Variants in ATP8A2 observed in about 807,000 individuals in gnomAD.
ATP8A2 encodes the protein phospholipid-transporting ATPase IB.
In ATP8A2, 100 loss-of-function variants were observed where a neutral mutation model predicts 165.6. The ratio of observed to expected loss-of-function variants is 0.60; its 90% CI spans 0.51 to 0.71. ATP8A2 has a LOEUF of 0.71. Among genes scored for constraint, ATP8A2 ranks in the 30% least tolerant of loss-of-function variants. ATP8A2 has a pLI of 0.00. For missense variants in ATP8A2, 1,227 were observed against 1,479.5 expected (o/e 0.83, Z 2.80); for synonymous variants, 543 against 548.8 (o/e 0.99, Z 0.15).
intron 1 of ATP8A2, among the ~76,000 whole-genome samples, chr13:25,422,588 A>G (rs1385792725): frequency 6.6e-6 from 1 of 152,238 alleles, no homozygotes. Context: ...GCTTTTAATA[A>G]AACAATGAAC....
intron 4 of ATP8A2, among the ~76,000 whole-genome samples, chr13:25,531,406 A>G (rs1258270753): frequency 1.9e-5 from 1 of 52,316 alleles, no homozygotes; most frequent in East Asian, 2.4e-4. Flanking sequence ...GATTATATAT[A>G]TGATTATATA....
Position 25,444,934 on chromosome 13 carries a change from G to A in ATP8A2, c.77-24043G>A, listed in dbSNP as rs551940331. Among the ~76,000 whole-genome samples the A allele has an allele frequency of 1.4e-4, 21 of 152,208 alleles. No individual in the cohort carries two copies. The East Asian group carries it at 1.7e-3, about 13-fold the overall frequency. On this transcript the variant is annotated intron_variant, in intron 1 of 36. Coordinates refer to ENST00000381655, the MANE Select transcript of ATP8A2 (RefSeq NM_016529.6). The stretch of plus-strand genomic sequence containing the variant: ...ATTATAGGTGTGAGCCACCACACCC[G>A]GCCCCGAGCATCTTTTCATGTGTTT...
intron 35 of ATP8A2, among the ~76,000 whole-genome samples, chr13:25,991,325 C>G (rs892726299): frequency 3.3e-5 from 5 of 152,084 alleles, no homozygotes; most frequent in Admixed American, 6.6e-5. Flanking sequence ...ATAGAAAGCT[C>G]GCATATACCC....
intron 33 of ATP8A2, among the ~76,000 whole-genome samples, chr13:25,911,370 C>G (rs1374288091): frequency 6.6e-6 from 1 of 152,162 alleles, no homozygotes; most frequent in African/African-American, 2.4e-5. Context: ...TGGCACAGGC[C>G]TATCAGAGTA....
chr13:25,734,727 C>T (rs2043729662), intron 25 of ATP8A2, among the ~76,000 whole-genome samples: 1 of 152,132 alleles, frequency 6.6e-6, no homozygotes, highest in African/African-American at 2.4e-5. Context: ...CAACCCCCGG[C>T]CCCCAGATTC....
chr13:26,010,145 G>A lies in ATP8A2; in HGVS notation c.3378-2386G>A, dbSNP rs189901925. Among the ~76,000 whole-genome samples, 318 of 152,338 alleles carry A rather than the reference G, an allele frequency of 2.1e-3. 3 individuals carry two copies. The highest frequency in any genetic ancestry group is 7.3e-3 in the African/African-American group (304 of 41,582). ...CCACTCTAGGCGGCATCTAGGCGGC[G>A]TCTGCCAGCACAGGAGCCCTGCCAG... On this transcript the variant is annotated intron_variant, in intron 35 of 36. Coordinates refer to ENST00000381655, the MANE Select transcript of ATP8A2 (RefSeq NM_016529.6).
At chr13:25,494,116 A>G (rs658503) in intron 2 of ATP8A2, among the ~76,000 whole-genome samples, 148,803 of 152,196 alleles carry the variant, frequency 0.98, 72,763 homozygotes, top group East Asian at 0.99. Context: ...AACAGCCAGG[A>G]TGGTGCATGG....
At chr13:25,648,808 T>C (rs1368675745) in intron 24 of ATP8A2, among the ~76,000 whole-genome samples, 3 of 152,244 alleles carry the variant, frequency 2.0e-5, no homozygotes, top group African/African-American at 7.2e-5. Context: ...TATTGTATTT[T>C]TAAGTTTGTA....
intron 2 of ATP8A2, among the ~76,000 whole-genome samples, chr13:25,475,977 A>G (rs1343234356): frequency 6.6e-6 from 1 of 151,982 alleles, no homozygotes; most frequent in Non-Finnish European, 1.5e-5. Context: ...TTGTCTGTTC[A>G]CTCTGTTTGA....
intron 25 of ATP8A2, among the ~76,000 whole-genome samples, chr13:25,768,087 T>TGGGGGGGGGGGGGGGGGGGGGG (rs1566118778): frequency 3.1e-5 from 1 of 32,426 alleles, no homozygotes. Context: ...GGGGGGGGGG[T>TGGGGGGGGGGGGGGGGGGGGGG]GGTGGGGGGG....
chr13:25,510,316 A>G (rs1331270766), intron 2 of ATP8A2, among the ~76,000 whole-genome samples: 1 of 152,168 alleles, frequency 6.6e-6, no homozygotes, highest in African/African-American at 2.4e-5. Context: ...CCCTTGGGCT[A>G]TTGGCTCAGA....
intron 30 of ATP8A2, among the ~76,000 whole-genome samples, chr13:25,850,421 C>T (rs971851778): frequency 2.7e-5 from 4 of 150,336 alleles, no homozygotes; most frequent in Non-Finnish European, 4.4e-5. Context: ...CCTCCGCGCC[C>T]AATACAGGCT....
At chr13:25,399,793 C>T (rs1042910410) in intron 1 of ATP8A2, among the ~76,000 whole-genome samples, 1 of 151,156 alleles carries the variant, frequency 6.6e-6, no homozygotes, top group African/African-American at 2.4e-5. Context: ...TCCTCCTCTT[C>T]TTCTTTCTTC....
intron 1 of ATP8A2, among the ~76,000 whole-genome samples, chr13:25,385,635 G>A (rs1036922725): frequency 3.3e-5 from 5 of 152,038 alleles, no homozygotes; most frequent in African/African-American, 9.7e-5. Context: ...CATATAATTC[G>A]AATTTCATGT....
chr13:25,623,814 CATAAATGCATAAATTATGCATAGATT>C (rs758555735), intron 24 of ATP8A2, among the ~76,000 whole-genome samples: 78 of 151,754 alleles, frequency 5.1e-4, no homozygotes, highest in Non-Finnish European at 9.6e-4. Flanking sequence ...TCTAGATGAG[CATAAATGCATAAATTATGCATAGATT>C]ATAAATGCAT....
intron 25 of ATP8A2, among the ~76,000 whole-genome samples, chr13:25,765,186 CTATTA>C (rs2044465675): frequency 6.6e-6 from 1 of 152,176 alleles, no homozygotes; most frequent in Non-Finnish European, 1.5e-5. Context: ...ATTTTAGAAT[CTATTA>C]TGTTATCCAA....
chr13:25,730,976 A>G (rs908091011), intron 25 of ATP8A2, among the ~76,000 whole-genome samples: 1 of 151,946 alleles, frequency 6.6e-6, no homozygotes, highest in Non-Finnish European at 1.5e-5. Flanking sequence ...CGAGAGACTG[A>G]GACAGGAGGA....
At chr13:25,647,471 T>C (rs2041702373) in intron 24 of ATP8A2, among the ~76,000 whole-genome samples, 1 of 152,202 alleles carries the variant, frequency 6.6e-6, no homozygotes, top group Non-Finnish European at 1.5e-5. Context: ...GATAGTCATA[T>C]TGGGACCCCT....
At chr13:25,764,397 G>T (rs1264604581) in intron 25 of ATP8A2, among the ~76,000 whole-genome samples, 2 of 152,224 alleles carry the variant, frequency 1.3e-5, no homozygotes, top group African/African-American at 4.8e-5. Flanking sequence ...AGTGTTTCTT[G>T]TAATTGTTAA....
Sources: gnomAD v4.1 joint callset for allele counts (sites outside exome capture counted in the v4.1 genomes callset) on GRCh38, gnomAD v4.1.1 for gene constraint, MANE v1.5 for transcripts, NCBI Gene and HGNC (gene_info 2026-07-23, HGNC 2026-07-21) for gene names.